Variants in PRKG1 observed in about 807,000 individuals in gnomAD.
The protein encoded by PRKG1 is protein kinase cGMP-dependent 1.
In PRKG1, 35 loss-of-function variants were observed where a neutral mutation model predicts 88.1. The observed-to-expected ratio is 0.40, with a 90% CI of 0.30 to 0.53. PRKG1 has a LOEUF of 0.53. PRKG1 is among the 20% of genes least tolerant of loss of function. The pLI, the probability that PRKG1 is intolerant of heterozygous loss-of-function variation, is 0.59. For missense variants in PRKG1, 540 were observed against 839.8 expected (o/e 0.64, Z 4.41); for synonymous variants, 303 against 292.5 (o/e 1.04, Z -0.37).
chr10:51,164,303 G>T (rs372741492), intron 2 of PRKG1, among the ~76,000 whole-genome samples: 14 of 152,146 alleles, frequency 9.2e-5, no homozygotes, highest in Admixed American at 2.0e-4. Context: ...GGAGTGGACC[G>T]CTAGCAAACT....
chr10:51,516,497 G>A (rs538045741), intron 3 of PRKG1, among the ~76,000 whole-genome samples: 4 of 152,254 alleles, frequency 2.6e-5, no homozygotes, highest in African/African-American at 7.2e-5. Context: ...TCCCACTTTG[G>A]GCCATGGGTT....
intron 3 of PRKG1, among the ~76,000 whole-genome samples, chr10:51,600,794 T>C (rs940628567): frequency 6.6e-6 from 1 of 152,316 alleles, no homozygotes; most frequent in Non-Finnish European, 1.5e-5. Context: ...TATCAAGCTT[T>C]AGATCTCAAT....
chr10:52,024,554 C>T (rs1294657344), intron 5 of PRKG1, among the ~76,000 whole-genome samples: 2 of 152,042 alleles, frequency 1.3e-5, no homozygotes, highest in Non-Finnish European at 2.9e-5. Context: ...TGTTCAATTG[C>T]CACCTATGAG....
chr10:51,309,683 G>T (rs1253759163), intron 2 of PRKG1, among the ~76,000 whole-genome samples: 2 of 152,050 alleles, frequency 1.3e-5, no homozygotes, highest in Non-Finnish European at 2.9e-5. Flanking sequence ...AAAACAGTTT[G>T]GAGATTTCTC....
intron 2 of PRKG1, among the ~76,000 whole-genome samples, chr10:51,410,353 A>G (rs1464068492): frequency 6.6e-6 from 1 of 151,828 alleles, no homozygotes; most frequent in Non-Finnish European, 1.5e-5. Flanking sequence ...GGCCATCTAC[A>G]AGCTGAGGAG....
intron 9 of PRKG1, among the ~76,000 whole-genome samples, chr10:52,245,038 C>T (rs1840988471): frequency 6.7e-6 from 1 of 148,990 alleles, no homozygotes; most frequent in African/African-American, 2.5e-5. Context: ...ATTTACTTTT[C>T]CAGACTTGCA....
At chr10:51,926,482 G>A (rs777784645) in intron 5 of PRKG1, among the ~76,000 whole-genome samples, 10 of 152,012 alleles carry the variant, frequency 6.6e-5, no homozygotes, top group Non-Finnish European at 1.5e-4. Flanking sequence ...AGTTTATTCC[G>A]AGAAAAGCTG....
At chr10:51,299,524 A>G (rs377190216) in intron 2 of PRKG1, 293 of 468,078 alleles carry the variant, frequency 6.3e-4, no homozygotes, top group Non-Finnish European at 1.2e-3. Context: ...CTCATTCTTT[A>G]AAGTAGGAAC....
rs533899767 is a variant in PRKG1 at position 51,499,383 on chromosome 10, G to A, written c.592+31547G>A. Among the ~76,000 whole-genome samples the A allele has an allele frequency of 1.6e-3, 247 of 152,282 alleles. 1 individual carries two copies. The highest frequency in any genetic ancestry group is 5.7e-3 in the African/African-American group (236 of 41,560). ...TAACCAAAACATCAGGAGAAAATAAGCGTAAGAAAGATGTTGATGAGAGGC... is the reference window on the plus strand; with the variant it reads ...TAACCAAAACATCAGGAGAAAATAAACGTAAGAAAGATGTTGATGAGAGGC... On this transcript the variant is annotated intron_variant, in intron 3 of 17. Coordinates refer to ENST00000373980, the MANE Select transcript of PRKG1 (RefSeq NM_006258.4).
intron 6 of PRKG1, among the ~76,000 whole-genome samples, chr10:52,061,671 A>T (rs1234596735): frequency 6.6e-6 from 1 of 152,102 alleles, no homozygotes; most frequent in Non-Finnish European, 1.5e-5. Context: ...GCTTATTATA[A>T]TTTGTGGAGA....
chr10:51,623,820 C>T (rs201497067), intron 3 of PRKG1, among the ~76,000 whole-genome samples: 8 of 152,220 alleles, frequency 5.3e-5, no homozygotes, highest in South Asian at 2.1e-4. Context: ...CTTATCCTCA[C>T]GCCCTGAAGC....
intron 2 of PRKG1, among the ~76,000 whole-genome samples, chr10:51,241,358 G>A (rs1231013671): frequency 6.6e-6 from 1 of 151,732 alleles, no homozygotes; most frequent in African/African-American, 2.4e-5. Context: ...TCTCTTTCAG[G>A]GAATCATCGA....
At chr10:51,283,066 T>C (rs569401537) in intron 2 of PRKG1, among the ~76,000 whole-genome samples, 1 of 152,256 alleles carries the variant, frequency 6.6e-6, no homozygotes, top group East Asian at 1.9e-4. Context: ...TGACCCATAT[T>C]ATAAACAGCT....
chr10:51,125,858 A>G (rs1457190328), intron 1 of PRKG1, among the ~76,000 whole-genome samples: 3 of 140,486 alleles, frequency 2.1e-5, no homozygotes, highest in South Asian at 2.1e-4. Flanking sequence ...ATATAATTAT[A>G]ACTATATAAT....
At chr10:51,807,946 C>CA (rs1014443340) in intron 4 of PRKG1, among the ~76,000 whole-genome samples, 130 of 152,040 alleles carry the variant, frequency 8.6e-4, no homozygotes, top group African/African-American at 3.0e-3. Context: ...GAGGCCTTCC[C>CA]TTCAGGGTGT....
rs1554828356 is a variant in PRKG1 at position 50,991,328 on chromosome 10, C to CGCCGCCGCCTCT, written c.-42_-41insTCTGCCGCCGCC. The CGCCGCCGCCTCT allele has an allele frequency of 5.9e-5, 87 of 1,481,628 alleles. 3 individuals carry two copies. The East Asian group carries it at 2.4e-3, about 42-fold the overall frequency. The allele number at this position is 1,481,628 out of a possible 1,614,324, so 91.8% of individuals were successfully genotyped here. A position where few individuals can be genotyped will look rare whatever the true frequency, so the allele number is the denominator to read the frequency against. On this transcript the variant is annotated 5_prime_UTR_variant, in exon 1 of 18. Transcript: ENST00000401604. This position sits in a 1 kb window ranked among gnomAD's most constrained non-coding sequence, Gnocchi z 4.5. ...CCGTCCCAGCCGCCGCCGCCGCCGC[C>CGCCGCCGCCTCT]GCCGCCGCCGCCGCCCGAGAAAAAG...
Position 52,288,862 on chromosome 10 carries a change from C to G in PRKG1, c.1832+14C>G. 3.8e-6 allele frequency: 6 copies of G among 1,595,808 alleles called. No homozygotes were observed. The highest frequency in any genetic ancestry group is 5.1e-6 in the Non-Finnish European group (6 of 1,173,392). ...AAAACTATGCAGGTAAGTATTTCAA[C>G]CACATTATTTTTGAAAACATCATAA... On this transcript the variant is annotated intron_variant, in intron 15 of 17. Coordinates refer to ENST00000373980, the MANE Select transcript of PRKG1 (RefSeq NM_006258.4).
intron 3 of PRKG1, among the ~76,000 whole-genome samples, chr10:51,714,274 G>A (rs1193695288): frequency 2.0e-5 from 3 of 152,104 alleles, no homozygotes; most frequent in Non-Finnish European, 2.9e-5. Context: ...CACTGCTCCC[G>A]GCCTATTGCT....
intron 2 of PRKG1, among the ~76,000 whole-genome samples, chr10:51,322,275 G>A (rs774468826): frequency 2.0e-5 from 3 of 152,172 alleles, no homozygotes; most frequent in Non-Finnish European, 4.4e-5. Context: ...ATATAAAAAA[G>A]TGCATCTCTC....
Sources: allele counts gnomAD v4.1 joint callset (sites outside exome capture counted in the v4.1 genomes callset), GRCh38; gene constraint gnomAD v4.1.1; non-coding constraint Gnocchi (gnomAD v3.1); transcripts MANE v1.5; gene names NCBI Gene and HGNC (gene_info 2026-07-23, HGNC 2026-07-21).